Variants in MBNL3 observed in about 807,000 individuals in gnomAD.
MBNL3 encodes the protein muscleblind like splicing regulator 3.
In MBNL3, 6 loss-of-function variants were observed where a neutral mutation model predicts 24.5. The observed-to-expected ratio is 0.25, with a 90% CI of 0.13 to 0.48. MBNL3 has a LOEUF of 0.48. Ranked by LOEUF, MBNL3 falls within the 20% of genes least tolerant of loss-of-function variation. The probability of loss-of-function intolerance (pLI) is 0.99; values close to 1 mark genes in which losing one functional copy is unlikely to be tolerated. For synonymous variants in MBNL3, 100 were observed against 101.7 expected, an observed-to-expected ratio of 0.98 and a Z score of 0.10; for missense variants, 230 against 293.5, an observed-to-expected ratio of 0.78 and a Z score of 1.58.
intron 1 of MBNL3, among the ~76,000 whole-genome samples, chrX:132,465,227 T>C (rs1490591513): frequency 8.9e-6 from 1 of 111,910 alleles, no homozygotes; most frequent in Non-Finnish European, 1.9e-5. Flanking sequence ...TAGAAAACTC[T>C]AGGGCACATC....
chrX:132,467,173 G>T lies in MBNL3; in HGVS notation c.-704+21678C>A, dbSNP rs138728101. ...AGTCAATGAGCAAGAGGGAGGATTA[G>T]ATTTTCCAGGAAGCCAACTAGGAGA... On this transcript the variant is annotated intron_variant, in intron 1 of 8. Transcript: ENST00000370853. 7.4e-3 allele frequency among the ~76,000 whole-genome samples: 827 copies of T among 111,694 alleles called. 5 individuals carry two copies. Among genetic ancestry groups the T allele is most frequent in the African/African-American group, 0.025 (765 of 30,712 alleles).
At chrX:132,453,083 C>A (rs1291736008) in intron 1 of MBNL3, among the ~76,000 whole-genome samples, 1 of 111,261 alleles carries the variant, frequency 9.0e-6, no homozygotes, top group African/African-American at 3.3e-5. Flanking sequence ...GGGCACCTGG[C>A]GTGTGTAGGA....
At chrX:132,382,793 T>C (rs899237780) in intron 7 of MBNL3, among the ~76,000 whole-genome samples, 2 of 112,093 alleles carry the variant, frequency 1.8e-5, no homozygotes, top group Non-Finnish European at 3.8e-5. Flanking sequence ...TATACTTACC[T>C]GATCTGCATG....
chrX:132,432,316 A>T (rs1944806056), intron 2 of MBNL3: 1 of 111,615 alleles, frequency 9.0e-6, no homozygotes, highest in Non-Finnish European at 1.9e-5. Flanking sequence ...ATTGAGTATA[A>T]TTCACAAATC....
intron 2 of MBNL3, among the ~76,000 whole-genome samples, chrX:132,426,082 C>G (rs150908133): frequency 6.3e-5 from 7 of 111,932 alleles, no homozygotes; most frequent in African/African-American, 2.3e-4. Flanking sequence ...GAAGAGATCT[C>G]TGTGTACCTC....
intron 3 of MBNL3, among the ~76,000 whole-genome samples, chrX:132,396,457 T>G (rs1175502258): frequency 2.5e-5 from 2 of 79,618 alleles, no homozygotes; most frequent in Non-Finnish European, 4.6e-5. Flanking sequence ...TATTCCTATA[T>G]ATATATTCCT....
At chrX:132,410,744 A>C (rs1314356343) in intron 2 of MBNL3, among the ~76,000 whole-genome samples, 1 of 112,494 alleles carries the variant, frequency 8.9e-6, no homozygotes, top group Non-Finnish European at 1.9e-5. Flanking sequence ...TCTCAGAGGA[A>C]GTAACAGTGA....
intron 1 of MBNL3, among the ~76,000 whole-genome samples, chrX:132,441,798 T>C (rs2148445966): frequency 9.0e-6 from 1 of 111,676 alleles, no homozygotes; most frequent in South Asian, 3.8e-4. Flanking sequence ...CCTACATGAA[T>C]GTTCATAGCA....
At position 132,377,372 on chromosome X, in the gene MBNL3, A is replaced by C. The variant is rs1436329232; in HGVS notation, c.*2294T>G. 1 of 111,899 alleles carries C rather than the reference A, an allele frequency of 8.9e-6. No homozygotes were observed. The highest frequency in any genetic ancestry group is 9.5e-5 in the Admixed American group (1 of 10,533). 9.2% of individuals were successfully genotyped at this position (111,899 alleles called of 1,213,427 possible). On this transcript the variant is annotated 3_prime_UTR_variant, in exon 9 of 9. Transcript: ENST00000370853. Reference sequence around the variant, plus strand: ...AAAGAGTCCATAGGTAAAGGTCAGGACAACTCTTGATCTCTAATTCCACGC... The same window carrying C: ...AAAGAGTCCATAGGTAAAGGTCAGGCCAACTCTTGATCTCTAATTCCACGC...
rs1304625217 is a variant in MBNL3, at chrX:132,372,183, G to A, written c.*7483C>T. Reference sequence around the variant, plus strand: ...TGCATTTTGGAGGAAAATTACTATGGGAAGAGTTGGTACTCATGAAATATT... The same window carrying A: ...TGCATTTTGGAGGAAAATTACTATGAGAAGAGTTGGTACTCATGAAATATT... On this transcript the variant is annotated 3_prime_UTR_variant, in exon 9 of 9. Coordinates refer to ENST00000370853, the MANE Select transcript of MBNL3 (RefSeq NM_001386889.1). 1.8e-5 allele frequency: 2 copies of A among 109,892 alleles called. No homozygotes were observed. The highest frequency in any genetic ancestry group is 5.7e-4 in the East Asian group (2 of 3,524). The allele number at this position is 109,892 out of a possible 1,213,427, so 9.1% of individuals were successfully genotyped here. A position where few individuals can be genotyped will look rare whatever the true frequency, so the allele number is the denominator to read the frequency against.
In MBNL3 at chrX:132,391,028, T is replaced by C; in HGVS notation, c.590A>G (p.Tyr197Cys). The change falls in exon 5 of 9, where the codon TAT becomes TGT. Residue 197 changes from tyrosine (Y) to cysteine (C), a missense_variant. Transcript: ENST00000370853. The stretch of plus-strand genomic sequence containing the variant: ...CATGGAAGCATCAGTAGGGTGAGCA[T>C]AGCGGCAATCATTCTCCCCACGGGT... ...NCTRGENDCRYAHPTDASMIE... is the reference protein window; with the variant it reads ...NCTRGENDCRCAHPTDASMIE... 1 of 1,211,670 alleles carries C rather than the reference T, an allele frequency of 8.3e-7. No individual in the cohort carries two copies. Among genetic ancestry groups the C allele is most frequent in the Non-Finnish European group, 1.1e-6 (1 of 895,444 alleles).
intron 1 of MBNL3, among the ~76,000 whole-genome samples, chrX:132,471,206 A>G (rs562474748): frequency 2.7e-5 from 3 of 112,087 alleles, no homozygotes; most frequent in South Asian, 7.5e-4. Flanking sequence ...TCTTAATATG[A>G]TATCAATTAT....
At chrX:132,412,641 A>T (rs1202627385) in intron 2 of MBNL3, among the ~76,000 whole-genome samples, 2 of 112,468 alleles carry the variant, frequency 1.8e-5, no homozygotes, top group Non-Finnish European at 3.8e-5. Flanking sequence ...AACACTAAAA[A>T]TCCCAGAAGT....
At chrX:132,489,754 A>T (rs1948198874), upstream of MBNL3, 1 of 108,213 alleles carries the variant, frequency 9.2e-6, no homozygotes, top group South Asian at 3.7e-4. Flanking sequence ...GAAGCGGCGC[A>T]CGCGGCCGCC....
chrX:132,389,116 G>A (rs1936673008), intron 5 of MBNL3, among the ~76,000 whole-genome samples: 1 of 112,273 alleles, frequency 8.9e-6, no homozygotes, highest in East Asian at 2.8e-4. Flanking sequence ...TGCATATGAA[G>A]CTATTTTCAT....
At chrX:132,460,826 C>A (rs982578724) in intron 1 of MBNL3, among the ~76,000 whole-genome samples, 2 of 110,897 alleles carry the variant, frequency 1.8e-5, no homozygotes, top group East Asian at 5.7e-4. Context: ...GTACCATGTG[C>A]CCAATATGTA....
intron 1 of MBNL3, among the ~76,000 whole-genome samples, chrX:132,483,992 T>TA (rs892850617): frequency 1.8e-5 from 2 of 110,996 alleles, no homozygotes; most frequent in East Asian, 2.9e-4. Flanking sequence ...ATTTTTTTTT[T>TA]AAATTTTTAA....
At chrX:132,403,691 A>C (rs1447781020) in intron 3 of MBNL3, among the ~76,000 whole-genome samples, 1 of 111,678 alleles carries the variant, frequency 9.0e-6, no homozygotes, top group African/African-American at 3.3e-5. Context: ...TGAAGGGTTG[A>C]GACTTGGAAT....
At chrX:132,482,437 C>T (rs1465896170) in intron 1 of MBNL3, among the ~76,000 whole-genome samples, 1 of 111,738 alleles carries the variant, frequency 8.9e-6, no homozygotes, top group East Asian at 2.8e-4. Flanking sequence ...TTAGCCCTTC[C>T]TCCTCATTTA....
Sources: gnomAD v4.1 joint callset for allele counts (sites outside exome capture counted in the v4.1 genomes callset) on GRCh38, gnomAD v4.1.1 for gene constraint, MANE v1.5 for transcripts, NCBI Gene and HGNC (gene_info 2026-07-23, HGNC 2026-07-21) for gene names.